SMOX: variants seen among roughly 807,000 people sequenced by gnomAD.
SMOX encodes the protein spermine oxidase, also known as flavin containing amine oxidase.
Under a neutral mutation model 51.0 loss-of-function variants are expected in SMOX, and 22 were observed. That is an observed-to-expected ratio of 0.43 (90% confidence interval 0.31 to 0.62). SMOX has a LOEUF of 0.62. Among genes scored for constraint, SMOX ranks in the 20% least tolerant of loss-of-function variants. The pLI, the probability that SMOX is intolerant of heterozygous loss-of-function variation, is 0.10. For synonymous variants in SMOX, 282 were observed against 307.8 expected, an observed-to-expected ratio of 0.92 and a Z score of 0.88; for missense variants, 566 against 777.7, an observed-to-expected ratio of 0.73 and a Z score of 3.24.
chr20:4,157,939 C>T (rs1034576219), intron 1 of SMOX, among the ~76,000 whole-genome samples: 79 of 150,888 alleles, frequency 5.2e-4, no homozygotes, highest in African/African-American at 5.8e-4. Flanking sequence ...CTCGCTCTGT[C>T]GCCCAGGCTG....
intron 1 of SMOX, among the ~76,000 whole-genome samples, chr20:4,157,788 C>CT (rs1214669456): frequency 6.6e-6 from 1 of 152,134 alleles, no homozygotes; most frequent in Non-Finnish European, 1.5e-5. Context: ...TTCTCAGACT[C>CT]TCAGGGCAGT....
rs1396672999 is a variant in SMOX, at chr20:4,152,291, A to G, written c.-27+3314A>G. The stretch of plus-strand genomic sequence containing the variant: ...CTCACAAGATGTGGGCAGCCTGGGC[A>G]GCCAGGGATTGATTTCAGCCCACTC... On this transcript the variant is annotated intron_variant, in intron 1 of 6. Transcript: ENST00000305958. Among the ~76,000 whole-genome samples, 3 of 152,056 alleles carry G rather than the reference A, an allele frequency of 2.0e-5. No homozygotes were observed. In the East Asian group the frequency reaches 5.8e-4, roughly 29 times the overall value.
Position 4,183,388 on chromosome 20 carries a change from T to C in SMOX, c.1370-106T>C. The stretch of plus-strand genomic sequence containing the variant: ...GTGCCTACCCCTGGCAGTCTGGTCC[T>C]CCCGGAGCCCTGGAGGTGGGGTGGG... On this transcript the variant is annotated intron_variant, in intron 5 of 6. Coordinates refer to ENST00000305958, the MANE Select transcript of SMOX (RefSeq NM_175839.3). This position sits in a 1 kb window ranked among gnomAD's most constrained non-coding sequence, Gnocchi z 4.3. The C allele has an allele frequency of 1.3e-6, 2 of 1,553,226 alleles. No homozygotes were observed. The highest frequency in any genetic ancestry group is 1.8e-6 in the Non-Finnish European group (2 of 1,130,076).
At chr20:4,180,393 G>A (rs1210868604) in intron 3 of SMOX, among the ~76,000 whole-genome samples, 1 of 152,154 alleles carries the variant, frequency 6.6e-6, no homozygotes, top group African/African-American at 2.4e-5. Flanking sequence ...TGGGGGACAG[G>A]GCAGACACCA....
chr20:4,175,710 A>C (rs1208777785), intron 2 of SMOX, among the ~76,000 whole-genome samples: 1 of 152,136 alleles, frequency 6.6e-6, no homozygotes, highest in Non-Finnish European at 1.5e-5. Flanking sequence ...TTGGGCCTCC[A>C]TGTGTGTGAT....
At chr20:4,171,906 G>C (rs905979837) in intron 1 of SMOX, 1 of 152,334 alleles carries the variant, frequency 6.6e-6, no homozygotes, top group Non-Finnish European at 1.5e-5. Context: ...CAAAGGAGCG[G>C]TGAGGACAAG....
At position 4,177,645 on chromosome 20, in the gene SMOX, G is replaced by C; in HGVS notation, c.435+68G>C. On this transcript the variant is annotated intron_variant, in intron 3 of 6. Coordinates refer to ENST00000305958, the MANE Select transcript of SMOX (RefSeq NM_175839.3). The surrounding 1 kb of genome is among the most constrained non-coding windows in gnomAD (Gnocchi z 4.3). ...ACCTGGGAGGTCTGTGATTCTGGTCGTGTCTCTGCACACTCCCTGGGCCTT... is the reference window on the plus strand; with the variant it reads ...ACCTGGGAGGTCTGTGATTCTGGTCCTGTCTCTGCACACTCCCTGGGCCTT... The C allele has an allele frequency of 7.0e-7, 1 of 1,434,758 alleles. No homozygotes were observed. The highest frequency in any genetic ancestry group is 9.5e-7 in the Non-Finnish European group (1 of 1,050,212). 88.9% of individuals were successfully genotyped at this position (1,434,758 alleles called of 1,614,324 possible). A position where few individuals can be genotyped will look rare whatever the true frequency, so the allele number is the denominator to read the frequency against.
rs1056807357 is a variant in SMOX, at chr20:4,153,734, T to G, written c.-27+4757T>G. Among the ~76,000 whole-genome samples, 6 of 152,154 alleles carry G rather than the reference T, an allele frequency of 3.9e-5. No individual in the cohort carries two copies. The highest frequency in any genetic ancestry group is 5.9e-5 in the Non-Finnish European group (4 of 68,012). On this transcript the variant is annotated intron_variant, in intron 1 of 6. Coordinates refer to ENST00000305958, the MANE Select transcript of SMOX (RefSeq NM_175839.3). The surrounding 1 kb of genome is among the most constrained non-coding windows in gnomAD (Gnocchi z 4.4). ...GCTGTTGGAAGCTCACCAGCCTTCA[T>G]GGTTGTCAGGAAGGGCTCCCTTCTC...
chr20:4,187,585 C>T lies in SMOX; in HGVS notation c.*178C>T, dbSNP rs538770332. The T allele has an allele frequency of 1.2e-5, 11 of 908,398 alleles. No homozygotes were observed. Among genetic ancestry groups the T allele is most frequent in the South Asian group, 8.0e-5 (4 of 50,070 alleles). The allele number at this position is 908,398 out of a possible 1,614,324, so 56.3% of individuals were successfully genotyped here. A position where few individuals can be genotyped will look rare whatever the true frequency, so the allele number is the denominator to read the frequency against. ...GCTTTTCTTTTTCTCCAGGCTGGGC[C>T]GTGAGCAGGTGGGCCGTTGAGTTAC... On this transcript the variant is annotated 3_prime_UTR_variant, in exon 7 of 7. Transcript: ENST00000305958. This position sits in a 1 kb window ranked among gnomAD's most constrained non-coding sequence, Gnocchi z 4.8.
rs568731275 is a variant in SMOX at position 4,181,415 on chromosome 20, G to A, written c.436-388G>A. Among the ~76,000 whole-genome samples the A allele has an allele frequency of 1.3e-5, 2 of 152,320 alleles. No homozygotes were observed. Among genetic ancestry groups the A allele is most frequent in the Non-Finnish European group, 2.9e-5 (2 of 68,024 alleles). The stretch of plus-strand genomic sequence containing the variant: ...GGGTGGCAGGGAAAGTGCACGTATC[G>A]TTCTTGGAACAGGTAAATGTGTGCA... On this transcript the variant is annotated intron_variant, in intron 3 of 6. Coordinates refer to ENST00000305958, the MANE Select transcript of SMOX (RefSeq NM_175839.3). The surrounding 1 kb of genome is among the most constrained non-coding windows in gnomAD (Gnocchi z 5.6).
intron 6 of SMOX, among the ~76,000 whole-genome samples, chr20:4,184,161 CTTTTT>C (rs11418906): frequency 7.3e-6 from 1 of 137,794 alleles, no homozygotes. Context: ...AATTTTTGTA[CTTTTT>C]TTTTTTTTTT....
At chr20:4,186,965 A>G (rs1411879904) in intron 6 of SMOX, 15 of 614,064 alleles carry the variant, frequency 2.4e-5, no homozygotes, top group Non-Finnish European at 3.8e-5. Context: ...GGAAGATGAG[A>G]AAAGCAAGGC....
intron 1 of SMOX, among the ~76,000 whole-genome samples, chr20:4,169,939 C>T (rs981720435): frequency 8.6e-5 from 13 of 151,816 alleles, no homozygotes; most frequent in Non-Finnish European, 1.9e-4. Context: ...TATGTTTTGG[C>T]GGGGAGTTGT....
Position 4,183,217 on chromosome 20 carries a change from A to G in SMOX, c.1370-277A>G. On this transcript the variant is annotated intron_variant, in intron 5 of 6. Coordinates refer to ENST00000305958, the MANE Select transcript of SMOX (RefSeq NM_175839.3). The surrounding 1 kb of genome is among the most constrained non-coding windows in gnomAD (Gnocchi z 4.3). ...CAGGAGGACCTCACGAGAACCCCCG[A>G]TATTAGGCGGGGAAACATGATTATG... 1 of 573,608 alleles carries G rather than the reference A, an allele frequency of 1.7e-6. No homozygotes were observed. Among genetic ancestry groups the G allele is most frequent in the Non-Finnish European group, 3.1e-6 (1 of 323,662 alleles). The allele number at this position is 573,608 out of a possible 1,614,324, so 35.5% of individuals were successfully genotyped here.
Position 4,181,659 on chromosome 20 carries a change from C to T in SMOX, c.436-144C>T. ...TTGGCTTTTGGTGCAGCATTGAGTG[C>T]AACATCGGATCCCTAAGGGACAGAG... is the stretch of plus-strand genomic sequence containing the variant. On this transcript the variant is annotated intron_variant, in intron 3 of 6. Coordinates refer to ENST00000305958, the MANE Select transcript of SMOX (RefSeq NM_175839.3). The surrounding 1 kb of genome is among the most constrained non-coding windows in gnomAD (Gnocchi z 5.6). 8 of 995,682 alleles carry T rather than the reference C, an allele frequency of 8.0e-6. No homozygotes were observed. The South Asian group carries it at 1.2e-4, about 14-fold the overall frequency. 61.7% of individuals were successfully genotyped at this position (995,682 alleles called of 1,614,324 possible).
At position 4,166,100 on chromosome 20, in the gene SMOX, C is replaced by T. The variant is rs866871667; in HGVS notation, c.-26-8930C>T. 4.8e-5 allele frequency among the ~76,000 whole-genome samples: 7 copies of T among 145,638 alleles called. No individual in the cohort carries two copies. Among genetic ancestry groups the T allele is most frequent in the Non-Finnish European group, 7.7e-5 (5 of 65,288 alleles). ...AGGTGTTCAGAGCAATTGTGCCTAG[C>T]GCCTGATCTAATCTGTTGTCAGAGT... On this transcript the variant is annotated intron_variant, in intron 1 of 6. Coordinates refer to ENST00000305958, the MANE Select transcript of SMOX (RefSeq NM_175839.3). The surrounding 1 kb of genome is among the most constrained non-coding windows in gnomAD (Gnocchi z 4.2).
chr20:4,185,890 C>T (rs1184326073), intron 6 of SMOX, among the ~76,000 whole-genome samples: 2 of 135,604 alleles, frequency 1.5e-5, no homozygotes, highest in South Asian at 2.5e-4. Context: ...GAGACCCTGT[C>T]TCAAAACAAA....
intron 1 of SMOX, among the ~76,000 whole-genome samples, chr20:4,155,225 G>A (rs1395747750): frequency 1.3e-5 from 2 of 152,168 alleles, no homozygotes; most frequent in African/African-American, 4.8e-5. Context: ...CAGCTGTGAC[G>A]TGTCCTCATA....
In SMOX at chr20:4,182,247, G is replaced by C; in HGVS notation, c.768G>C (p.Gln256His). 5 of 1,613,700 alleles carry C rather than the reference G, an allele frequency of 3.1e-6. No individual in the cohort carries two copies. The highest frequency in any genetic ancestry group is 4.2e-6 in the Non-Finnish European group (5 of 1,179,958). Residue 256 changes from glutamine (Q) to histidine (H), a missense_variant, in exon 5 of 7, where the codon CAG becomes CAC. Gln to His is a conservative substitution (Grantham distance 24). Around this residue, in one of 3 missense-constraint regions of SMOX, gnomAD observed 347 missense variants for 481.8 expected, o/e 0.72. Transcript: ENST00000305958. This position sits in a 1 kb window ranked among gnomAD's most constrained non-coding sequence, Gnocchi z 8.4. ...AGGGCATCCCTGCCCACGTCATCCA[G>C]CTAGGGAAACCTGTCCGCTGCATTC... Reference protein sequence around the residue: ...LAEGIPAHVIQLGKPVRCIHW... With the variant: ...LAEGIPAHVIHLGKPVRCIHW...
Sources: allele counts gnomAD v4.1 joint callset (sites outside exome capture counted in the v4.1 genomes callset), GRCh38; gene constraint gnomAD v4.1.1; regional missense constraint gnomAD v4.1.1; non-coding constraint Gnocchi (gnomAD v3.1); transcripts MANE v1.5; gene names NCBI Gene and HGNC (gene_info 2026-07-23, HGNC 2026-07-21).